TSPAN8: variants seen among roughly 807,000 people sequenced by gnomAD.
The protein encoded by TSPAN8 is tetraspanin 8, also known as tetraspanin-8.
TSPAN8 carries 21 observed loss-of-function variants against 32.8 expected under a neutral mutation model. That is an observed-to-expected ratio of 0.64 (90% CI 0.45 to 0.92). TSPAN8 has a LOEUF of 0.92. TSPAN8 is among the 40% of genes least tolerant of loss of function. The pLI is 0.00. For synonymous variants in TSPAN8, 95 were observed against 94.6 expected (o/e 1.00, Z -0.03); for missense variants, 269 against 281.9 (o/e 0.95, Z 0.33).
At chr12:71,142,394 A>G (rs1365297749) in intron 3 of TSPAN8, among the ~76,000 whole-genome samples, 1 of 152,210 alleles carries the variant, frequency 6.6e-6, no homozygotes, top group Admixed American at 6.5e-5. Context: ...TTTGTTTACC[A>G]GAAGCACTGG....
chr12:71,145,289 GA>G (rs1272571027), intron 2 of TSPAN8, among the ~76,000 whole-genome samples: 1 of 152,098 alleles, frequency 6.6e-6, no homozygotes, highest in Non-Finnish European at 1.5e-5. Flanking sequence ...CTCCCTAAAA[GA>G]CCTTGAAAAT....
Position 71,125,157 on chromosome 12 carries a change from T to C in TSPAN8, c.*177A>G, listed in dbSNP as rs1197613253. 2.0e-6 allele frequency: 1 copy of C among 508,850 alleles called. No individual in the cohort carries two copies. The highest frequency in any genetic ancestry group is 3.5e-6 in the Non-Finnish European group (1 of 285,922). 31.5% of individuals were successfully genotyped at this position (508,850 alleles called of 1,614,324 possible). A position where few individuals can be genotyped will look rare whatever the true frequency, so the allele number is the denominator to read the frequency against. On this transcript the variant is annotated 3_prime_UTR_variant, in exon 9 of 9. Coordinates refer to ENST00000247829, the MANE Select transcript of TSPAN8 (RefSeq NM_004616.3). ...CACATTCATATCATTTTCCCTTATATCCCTCAAATCTTAAATGTGTTCAAT... is the reference window on the plus strand; with the variant it reads ...CACATTCATATCATTTTCCCTTATACCCCTCAAATCTTAAATGTGTTCAAT...
intron 7 of TSPAN8, among the ~76,000 whole-genome samples, chr12:71,129,854 T>A (rs11178645): frequency 0.31 from 46,493 of 152,000 alleles, 8,209 homozygotes; most frequent in Non-Finnish European, 0.41. Flanking sequence ...TTTTTAGGTT[T>A]GTAATCTAAA....
chr12:71,130,304 T>C (rs1357069348), intron 7 of TSPAN8, among the ~76,000 whole-genome samples: 1 of 152,222 alleles, frequency 6.6e-6, no homozygotes, highest in Non-Finnish European at 1.5e-5. Context: ...GTTATTTTTA[T>C]CTTAAAAAGA....
chr12:71,130,593 T>C (rs1871490158), intron 7 of TSPAN8, among the ~76,000 whole-genome samples: 1 of 152,090 alleles, frequency 6.6e-6, no homozygotes, highest in African/African-American at 2.4e-5. Flanking sequence ...AACAAAGTAT[T>C]GCTATTTGTT....
intron 2 of TSPAN8, among the ~76,000 whole-genome samples, chr12:71,145,391 C>A (rs775141741): frequency 2.2e-4 from 34 of 152,228 alleles, no homozygotes; most frequent in Non-Finnish European, 3.1e-4. Flanking sequence ...AATTCCTAAC[C>A]AATCTGCCCT....
chr12:71,138,538 T>C (rs1871788453), intron 4 of TSPAN8, among the ~76,000 whole-genome samples: 1 of 152,186 alleles, frequency 6.6e-6, no homozygotes, highest in Non-Finnish European at 1.5e-5. Context: ...TGAGTATTAT[T>C]TTACTCCTTC....
intron 7 of TSPAN8, among the ~76,000 whole-genome samples, chr12:71,132,232 G>A (rs1341186557): frequency 6.6e-6 from 1 of 152,196 alleles, no homozygotes; most frequent in Non-Finnish European, 1.5e-5. Flanking sequence ...ATGTATTTGG[G>A]AAGGACTTGG....
At position 71,137,536 on chromosome 12, in the gene TSPAN8, G is replaced by A. The variant is rs1360949394; in HGVS notation, c.444+417C>T. 2.6e-5 allele frequency among the ~76,000 whole-genome samples: 4 copies of A among 152,014 alleles called. No individual in the cohort carries two copies. The East Asian group carries it at 7.8e-4, about 30-fold the overall frequency. On this transcript the variant is annotated intron_variant, in intron 6 of 8. Coordinates refer to ENST00000247829, the MANE Select transcript of TSPAN8 (RefSeq NM_004616.3). The stretch of plus-strand genomic sequence containing the variant: ...AATCAGTTGAACCCGGGAGGCAGAG[G>A]TTGCAGCGAGCCAAGATTGCACCAC...
chr12:71,156,263 A>AAAC (rs1565791249), intron 2 of TSPAN8, among the ~76,000 whole-genome samples: 1 of 65,140 alleles, frequency 1.5e-5, no homozygotes, highest in African/African-American at 5.0e-5. Flanking sequence ...AAAAAAAAAA[A>AAAC]AAAAACAAAC....
intron 7 of TSPAN8, among the ~76,000 whole-genome samples, chr12:71,131,532 A>G (rs572107665): frequency 6.6e-6 from 1 of 151,908 alleles, no homozygotes; most frequent in South Asian, 2.1e-4. Flanking sequence ...CTAGATTGAA[A>G]AGAATCTTCG....
intron 3 of TSPAN8, among the ~76,000 whole-genome samples, chr12:71,143,735 C>T (rs956299401): frequency 6.6e-6 from 1 of 152,064 alleles, no homozygotes; most frequent in Non-Finnish European, 1.5e-5. Context: ...CCTTTTGGAC[C>T]AACCACATTG....
intron 7 of TSPAN8, among the ~76,000 whole-genome samples, chr12:71,130,993 G>A (rs889937962): frequency 6.6e-6 from 1 of 152,172 alleles, no homozygotes; most frequent in African/African-American, 2.4e-5. Context: ...GCTGAATTAT[G>A]TGTGAACTTA....
At chr12:71,152,679 C>A (rs549457907) in intron 2 of TSPAN8, among the ~76,000 whole-genome samples, 4 of 152,170 alleles carry the variant, frequency 2.6e-5, no homozygotes, top group Non-Finnish European at 5.9e-5. Flanking sequence ...GCTGTTTTAG[C>A]TCCATGCTAA....
intron 6 of TSPAN8, 91 bp downstream of exon 6, chr12:71,137,862 A>G: frequency 8.2e-7 from 1 of 1,215,308 alleles, no homozygotes; most frequent in Non-Finnish European, 1.1e-6. Context: ...AAATGGAGAC[A>G]TTTTTCAATC....
At chr12:71,156,250 C>CAAAAAAAAAAAAAAAAAAA (rs763217771) in intron 2 of TSPAN8, among the ~76,000 whole-genome samples, 20 of 24,360 alleles carry the variant, frequency 8.2e-4, no homozygotes, top group African/African-American at 3.7e-3. Flanking sequence ...CAAAGTTCTC[C>CAAAAAAAAAAAAAAAAAAA]AAAAAAAAAA....
At chr12:71,133,558 A>AG (rs1344767498) in intron 6 of TSPAN8, among the ~76,000 whole-genome samples, 2 of 152,198 alleles carry the variant, frequency 1.3e-5, no homozygotes, top group Non-Finnish European at 2.9e-5. Flanking sequence ...GAAAGACAGG[A>AG]GGAAAAAAAT....
chr12:71,128,676 A>G (rs1381646053), intron 8 of TSPAN8, among the ~76,000 whole-genome samples: 5 of 151,832 alleles, frequency 3.3e-5, no homozygotes, highest in Non-Finnish European at 4.4e-5. Context: ...CATGCCAAGA[A>G]AGTTCATCAA....
intron 3 of TSPAN8, among the ~76,000 whole-genome samples, chr12:71,143,501 G>C (rs1835775793): frequency 6.6e-6 from 1 of 152,182 alleles, no homozygotes; most frequent in Admixed American, 6.5e-5. Context: ...GCACGGAATG[G>C]TGTGTGGGGG....
Sources: gnomAD v4.1 joint callset for allele counts (sites outside exome capture counted in the v4.1 genomes callset) on GRCh38, gnomAD v4.1.1 for gene constraint, MANE v1.5 for transcripts, NCBI Gene and HGNC (gene_info 2026-07-23, HGNC 2026-07-21) for gene names.